The following CD80 variants were observed in gnomAD, a reference collection of about 807,000 sequenced individuals.
The protein encoded by CD80 is CD80 molecule, also known as T-lymphocyte activation antigen CD80.
CD80 carries 13 observed loss-of-function variants against 27.1 expected under a neutral mutation model. The ratio of observed to expected loss-of-function variants is 0.48; its 90% CI spans 0.31 to 0.76. The LOEUF (loss-of-function observed/expected upper bound fraction) is 0.76. Among genes scored for constraint, CD80 ranks in the 30% least tolerant of loss-of-function variants. The pLI, the probability that CD80 is intolerant of heterozygous loss-of-function variation, is 0.04. For synonymous variants in CD80, 125 were observed against 125.5 expected, an observed-to-expected ratio of 1.00 and a Z score of 0.03; for missense variants, 277 against 347.9, an observed-to-expected ratio of 0.80 and a Z score of 1.62.
At chr3:119,554,514 T>G (rs2082251931) in intron 2 of CD80, among the ~76,000 whole-genome samples, 1 of 152,148 alleles carries the variant, frequency 6.6e-6, no homozygotes, top group Non-Finnish European at 1.5e-5. Flanking sequence ...CAGGCGTTTC[T>G]GCCTCCATAG....
chr3:119,545,063 G>C (rs772524494), intron 2 of CD80, among the ~76,000 whole-genome samples, 196 bp from the exon 3 acceptor site: 4 of 152,246 alleles, frequency 2.6e-5, no homozygotes, highest in Admixed American at 6.5e-5. Flanking sequence ...AACACAACAG[G>C]CTGGGCGTGG....
rs374370257 is a variant in CD80, at chr3:119,556,277, T to C, written c.100+1352A>G. Among the ~76,000 whole-genome samples, 6 of 152,330 alleles carry C rather than the reference T, an allele frequency of 3.9e-5. No homozygotes were observed. The East Asian group carries it at 7.7e-4, about 20-fold the overall frequency. The stretch of plus-strand genomic sequence containing the variant: ...TTACCTCTGACCCTAATTTTCCTTG[T>C]ACAATTTCTAAAGTCTGGGTTTTAA... On this transcript the variant is annotated intron_variant, in intron 2 of 6. Coordinates refer to ENST00000264246, the MANE Select transcript of CD80 (RefSeq NM_005191.4).
chr3:119,533,876 T>G (rs1435845558), intron 4 of CD80, among the ~76,000 whole-genome samples: 1 of 152,220 alleles, frequency 6.6e-6, no homozygotes, highest in Non-Finnish European at 1.5e-5. Flanking sequence ...ACTTAATGTA[T>G]ATTTGTTAGT....
At chr3:119,547,674 A>C (rs2082209139) in intron 2 of CD80, among the ~76,000 whole-genome samples, 1 of 152,198 alleles carries the variant, frequency 6.6e-6, no homozygotes, top group Non-Finnish European at 1.5e-5. Flanking sequence ...CATTCCAGAC[A>C]TCCACTGTGT....
intron 3 of CD80, among the ~76,000 whole-genome samples, chr3:119,541,993 A>C (rs2082171705): frequency 6.6e-6 from 1 of 152,028 alleles, no homozygotes; most frequent in African/African-American, 2.4e-5. Flanking sequence ...CTCTCTCGGT[A>C]GTCCATTAGA....
chr3:119,553,253 C>T (rs1425816681), intron 2 of CD80, among the ~76,000 whole-genome samples: 1 of 151,972 alleles, frequency 6.6e-6, no homozygotes, highest in Non-Finnish European at 1.5e-5. Flanking sequence ...GATTCTCCTG[C>T]CTCAGCCTCC....
At chr3:119,545,899 A>G (rs112883171) in intron 2 of CD80, among the ~76,000 whole-genome samples, 1 of 152,108 alleles carries the variant, frequency 6.6e-6, no homozygotes, top group African/African-American at 2.4e-5. Context: ...GTCATATGGT[A>G]GTTCTATTTT....
At chr3:119,553,071 T>C (rs1287828569) in intron 2 of CD80, among the ~76,000 whole-genome samples, 1 of 151,990 alleles carries the variant, frequency 6.6e-6, no homozygotes, top group Non-Finnish European at 1.5e-5. Flanking sequence ...TTCACAACAT[T>C]GCAAATATAC....
chr3:119,550,161 G>A (rs1359912449), intron 2 of CD80, among the ~76,000 whole-genome samples: 1 of 152,112 alleles, frequency 6.6e-6, no homozygotes, highest in African/African-American at 2.4e-5. Context: ...TCACTCAAGG[G>A]TTATGTCAGA....
rs1437133015 is a variant in CD80, at chr3:119,525,717, C to G, written c.*71G>C. On this transcript the variant is annotated 3_prime_UTR_variant, in exon 7 of 7. Coordinates refer to ENST00000264246, the MANE Select transcript of CD80 (RefSeq NM_005191.4). ...TAATCTTGTCCATCTGAGGAAGTTC[C>G]CAGAAGAGGTCAATTGCAAATGGAG... 6.6e-6 allele frequency: 1 copy of G among 152,218 alleles called. No individual in the cohort carries two copies. The highest frequency in any genetic ancestry group is 1.5e-5 in the Non-Finnish European group (1 of 67,964). The allele number at this position is 152,218 out of a possible 1,614,324, so 9.4% of individuals were successfully genotyped here. A position where few individuals can be genotyped will look rare whatever the true frequency, so the allele number is the denominator to read the frequency against.
At chr3:119,529,720 T>G (rs1035524046) in intron 5 of CD80, 122 bp downstream of exon 5, 2 of 673,946 alleles carry the variant, frequency 3.0e-6, no homozygotes, top group Admixed American at 5.0e-5. Flanking sequence ...TGCTCATGTT[T>G]CCATAGGCTT....
intron 4 of CD80, among the ~76,000 whole-genome samples, chr3:119,531,134 TGCATA>T (rs2082107869): frequency 6.6e-6 from 1 of 152,400 alleles, no homozygotes; most frequent in Non-Finnish European, 1.5e-5. Context: ...CAAAGTTCTT[TGCATA>T]GCACCATTAC....
At chr3:119,554,601 T>C (rs1407073204) in intron 2 of CD80, among the ~76,000 whole-genome samples, 2 of 152,150 alleles carry the variant, frequency 1.3e-5, no homozygotes, top group Non-Finnish European at 2.9e-5. Flanking sequence ...TCCCTTCCCC[T>C]GGGCATCAGT....
At chr3:119,549,871 AC>A (rs1398889470) in intron 2 of CD80, among the ~76,000 whole-genome samples, 1 of 152,222 alleles carries the variant, frequency 6.6e-6, no homozygotes, top group Middle Eastern at 3.2e-3. Context: ...TCAAATGACA[AC>A]CCAGACACTC....
At chr3:119,549,037 AAAATAAAT>A (rs112914312) in intron 2 of CD80, among the ~76,000 whole-genome samples, 10 of 151,722 alleles carry the variant, frequency 6.6e-5, no homozygotes, top group East Asian at 3.9e-4. Context: ...ACTCCGTCTC[AAAATAAAT>A]AAATAAATAA....
chr3:119,544,888 C>T, intron 2 of CD80, 21 bp from the exon 3 acceptor site: 1 of 1,595,646 alleles, frequency 6.3e-7, no homozygotes, highest in African/African-American at 1.3e-5. Context: ...GCAAACAGAA[C>T]AAGATTGTAT....
At chr3:119,534,737 A>G (rs563934942) in intron 4 of CD80, among the ~76,000 whole-genome samples, 14 of 152,324 alleles carry the variant, frequency 9.2e-5, no homozygotes, top group South Asian at 2.1e-4. Flanking sequence ...AAAAATAGAG[A>G]CTTAATAAAC....
At chr3:119,551,705 C>T (rs1406244394) in intron 2 of CD80, among the ~76,000 whole-genome samples, 1 of 152,200 alleles carries the variant, frequency 6.6e-6, no homozygotes, top group Non-Finnish European at 1.5e-5. Flanking sequence ...TTCCCTGCTT[C>T]ACATAATTAT....
chr3:119,536,076 C>G (rs1346599743), intron 4 of CD80, among the ~76,000 whole-genome samples: 1 of 151,830 alleles, frequency 6.6e-6, no homozygotes, highest in Non-Finnish European at 1.5e-5. Context: ...ATGGTGAAAC[C>G]CCATCTCCAC....
Sources: allele counts gnomAD v4.1 joint callset (sites outside exome capture counted in the v4.1 genomes callset), GRCh38; gene constraint gnomAD v4.1.1; transcripts MANE v1.5; gene names NCBI Gene and HGNC (gene_info 2026-07-23, HGNC 2026-07-21).